The following DCDC2C variants were observed in gnomAD, a reference collection of about 807,000 sequenced individuals.
The protein encoded by DCDC2C is doublecortin domain containing 2C, also known as doublecortin domain-containing protein 2C.
A neutral mutation model predicts 45.0 loss-of-function variants in DCDC2C; 44 were observed. That is an observed-to-expected ratio of 0.98 (90% confidence interval 0.77 to 1.26). The LOEUF (loss-of-function observed/expected upper bound fraction) is 1.26. DCDC2C is among the 50% of genes most tolerant of loss of function. The pLI is 0.00. For synonymous variants in DCDC2C, 187 were observed against 178.8 expected (o/e 1.05, Z -0.37); for missense variants, 447 against 468.9 (o/e 0.95, Z 0.43).
At chr2:3,845,352 C>T (rs1465160848) in intron 10 of DCDC2C, among the ~76,000 whole-genome samples, 1 of 152,140 alleles carries the variant, frequency 6.6e-6, no homozygotes, top group East Asian at 1.9e-4. Context: ...TAAGATGAGG[C>T]CTGCACTTGA....
chr2:3,728,949 G>A (rs1055197410), intron 3 of DCDC2C, among the ~76,000 whole-genome samples: 5 of 152,190 alleles, frequency 3.3e-5, no homozygotes, highest in African/African-American at 1.2e-4. Context: ...TTTGGAGGTT[G>A]AGGCTCAGAT....
At chr2:3,704,342 GCAGAAACA>G (rs1667977252) in intron 1 of DCDC2C, among the ~76,000 whole-genome samples, 1 of 147,054 alleles carries the variant, frequency 6.8e-6, no homozygotes, top group Non-Finnish European at 1.5e-5. Flanking sequence ...GGGGCGTGGG[GCAGAAACA>G]GGGGTGTGGA....
intron 8 of DCDC2C, among the ~76,000 whole-genome samples, chr2:3,778,377 A>T (rs1670410182): frequency 6.6e-6 from 1 of 152,190 alleles, no homozygotes; most frequent in East Asian, 1.9e-4. Context: ...ATTAGGACAG[A>T]TCCTTGTCTT....
chr2:3,720,938 G>A (rs994843600), intron 2 of DCDC2C, among the ~76,000 whole-genome samples: 2 of 152,142 alleles, frequency 1.3e-5, no homozygotes, highest in African/African-American at 4.8e-5. Context: ...CAACTCTTCA[G>A]TAAATATAGG....
intron 10 of DCDC2C, among the ~76,000 whole-genome samples, chr2:3,822,702 A>C (rs1397516587): frequency 6.6e-6 from 1 of 151,910 alleles, no homozygotes; most frequent in Non-Finnish European, 1.5e-5. Context: ...TAGCTTCTTA[A>C]GGTGGAAGTT....
intron 10 of DCDC2C, among the ~76,000 whole-genome samples, chr2:3,814,871 C>T (rs9636368): frequency 0.1 from 15,192 of 152,332 alleles, 1,036 homozygotes; most frequent in East Asian, 0.29. Context: ...AGTCTTGGGA[C>T]CAAGCATCCA....
chr2:3,832,074 C>T (rs1558247033), intron 10 of DCDC2C, among the ~76,000 whole-genome samples: 1 of 152,194 alleles, frequency 6.6e-6, no homozygotes, highest in East Asian at 1.9e-4. Context: ...CCAGTCCCCT[C>T]TGCACACCTG....
chr2:3,763,827 G>A (rs1224798968), intron 6 of DCDC2C, among the ~76,000 whole-genome samples: 2 of 152,130 alleles, frequency 1.3e-5, no homozygotes, highest in Non-Finnish European at 2.9e-5. Context: ...TGCGTTCTCC[G>A]GGGTAGAACT....
intron 8 of DCDC2C, among the ~76,000 whole-genome samples, chr2:3,769,735 C>T (rs1001794465): frequency 6.6e-6 from 1 of 152,060 alleles, no homozygotes; most frequent in Non-Finnish European, 1.5e-5. Flanking sequence ...CTGGCTGCCT[C>T]GCTCACTGTT....
At chr2:3,720,548 C>T (rs924644062) in intron 2 of DCDC2C, among the ~76,000 whole-genome samples, 1 of 152,188 alleles carries the variant, frequency 6.6e-6, no homozygotes, top group Non-Finnish European at 1.5e-5. Flanking sequence ...ATGTACCCTT[C>T]CCACATGCAG....
intron 6 of DCDC2C, among the ~76,000 whole-genome samples, chr2:3,759,516 C>T (rs983208946): frequency 1.3e-5 from 2 of 152,098 alleles, no homozygotes; most frequent in Non-Finnish European, 2.9e-5. Flanking sequence ...TGTAGCACCT[C>T]GAGATGACTG....
In DCDC2C at chr2:3,831,391, C is replaced by T. The variant is rs117218604; in HGVS notation, c.1066-15763C>T. Among the ~76,000 whole-genome samples the T allele has an allele frequency of 1.2e-4, 18 of 152,288 alleles. No homozygotes were observed. In the East Asian group the frequency reaches 3.5e-3, roughly 29 times the overall value. ...GCACACCTCGGCTATGTGGTGTAGC[C>T]TATTGCCTATTGCCCAGACTGCAAA... On this transcript the variant is annotated intron_variant, in intron 10 of 10. Coordinates refer to ENST00000399143, the MANE Select transcript of DCDC2C (RefSeq NM_001287444.2).
At chr2:3,784,922 G>T (rs780237699) in intron 9 of DCDC2C, 137 bp from the exon 10 acceptor site, 4 of 515,236 alleles carry the variant, frequency 7.8e-6, no homozygotes, top group African/African-American at 2.0e-5. Context: ...GAGGCTTTAC[G>T]CCAAGCTCCT....
In DCDC2C at chr2:3,733,721, C is replaced by T. The variant is rs532372344; in HGVS notation, c.416+6642C>T. 3.9e-5 allele frequency among the ~76,000 whole-genome samples: 6 copies of T among 152,288 alleles called. No individual in the cohort carries two copies. In the East Asian group the frequency reaches 5.8e-4, roughly 15 times the overall value. ...CTTTTATAAGGACACTAATCCCACT[C>T]GTGAACCTAAGCCCCCTCGTGATTG... On this transcript the variant is annotated intron_variant, in intron 3 of 10. Coordinates refer to ENST00000399143, the MANE Select transcript of DCDC2C (RefSeq NM_001287444.2).
At chr2:3,776,659 C>T (rs1020623110) in intron 8 of DCDC2C, among the ~76,000 whole-genome samples, 2 of 152,174 alleles carry the variant, frequency 1.3e-5, no homozygotes, top group African/African-American at 4.8e-5. Flanking sequence ...GGTAGGGCAT[C>T]TTCTCCTCTC....
intron 2 of DCDC2C, among the ~76,000 whole-genome samples, chr2:3,723,612 G>A (rs1161699035): frequency 6.6e-6 from 1 of 152,174 alleles, no homozygotes; most frequent in Non-Finnish European, 1.5e-5. Flanking sequence ...AGGCCTTACT[G>A]AGGGACATCA....
chr2:3,749,905 G>T (rs771306010), intron 4 of DCDC2C, among the ~76,000 whole-genome samples: 2 of 152,154 alleles, frequency 1.3e-5, no homozygotes, highest in Non-Finnish European at 2.9e-5. Flanking sequence ...AGGAAAACCC[G>T]AAATGCCTTT....
chr2:3,777,465 A>G (rs1247573531), intron 8 of DCDC2C, among the ~76,000 whole-genome samples: 1 of 152,206 alleles, frequency 6.6e-6, no homozygotes, highest in African/African-American at 2.4e-5. Context: ...TGTCCTCTAT[A>G]TACTTGCTGA....
At chr2:3,721,729 T>G (rs2148063087) in intron 2 of DCDC2C, among the ~76,000 whole-genome samples, 2 of 152,288 alleles carry the variant, frequency 1.3e-5, no homozygotes, top group South Asian at 4.1e-4. Context: ...TGGGAGGGAT[T>G]GAATTATGGG....
Sources: allele counts gnomAD v4.1 joint callset (sites outside exome capture counted in the v4.1 genomes callset), GRCh38; gene constraint gnomAD v4.1.1; transcripts MANE v1.5; gene names NCBI Gene and HGNC (gene_info 2026-07-23, HGNC 2026-07-21).